The following SKAP2 variants were observed in gnomAD, a reference collection of about 807,000 sequenced individuals.
The protein encoded by SKAP2 is src kinase associated phosphoprotein 2.
SKAP2 carries 28 observed loss-of-function variants against 54.9 expected under a neutral mutation model. The ratio of observed to expected loss-of-function variants is 0.51; its 90% CI spans 0.38 to 0.70. The LOEUF is 0.70. SKAP2 is among the 30% of genes least tolerant of loss of function. The pLI, the probability that SKAP2 is intolerant of heterozygous loss-of-function variation, is 0.00. For missense variants in SKAP2, 356 were observed against 424.1 expected (o/e 0.84, Z 1.41); for synonymous variants, 137 against 134.3 (o/e 1.02, Z -0.14).
At chr7:26,719,798 A>G (rs1332885015) in intron 9 of SKAP2, among the ~76,000 whole-genome samples, 1 of 152,210 alleles carries the variant, frequency 6.6e-6, no homozygotes, top group Non-Finnish European at 1.5e-5. Flanking sequence ...TCCTAGTTTC[A>G]TGTATGTAAG....
At chr7:26,733,744 C>A (rs576484568) in intron 6 of SKAP2, among the ~76,000 whole-genome samples, 4 of 152,072 alleles carry the variant, frequency 2.6e-5, no homozygotes, top group African/African-American at 9.7e-5. Flanking sequence ...CAATTTTCTA[C>A]GGACTTTTAT....
At chr7:26,722,983 T>C (rs1787611106) in intron 9 of SKAP2, among the ~76,000 whole-genome samples, 1 of 152,192 alleles carries the variant, frequency 6.6e-6, no homozygotes, top group Admixed American at 6.5e-5. Flanking sequence ...TCTGGGAATT[T>C]AGCCAGTCAG....
intron 4 of SKAP2, among the ~76,000 whole-genome samples, chr7:26,830,260 A>G (rs1784571180): frequency 6.6e-6 from 1 of 152,162 alleles, no homozygotes; most frequent in African/African-American, 2.4e-5. Context: ...TTAGGAGAAA[A>G]CTGAGAGTGA....
chr7:26,762,039 C>T (rs1464160519), intron 4 of SKAP2, among the ~76,000 whole-genome samples: 2 of 152,282 alleles, frequency 1.3e-5, no homozygotes, highest in South Asian at 4.2e-4. Context: ...TTACAGGCCA[C>T]AGTCACCAAT....
chr7:26,851,587 G>A (rs1360245643), intron 3 of SKAP2, among the ~76,000 whole-genome samples: 2 of 151,964 alleles, frequency 1.3e-5, no homozygotes, highest in Non-Finnish European at 2.9e-5. Context: ...GGGTGGGGAG[G>A]GATAGCATTA....
intron 10 of SKAP2, among the ~76,000 whole-genome samples, chr7:26,685,746 C>T (rs189844887): frequency 1.4e-4 from 22 of 152,238 alleles, no homozygotes; most frequent in Admixed American, 7.9e-4. Flanking sequence ...TCCTGAAACA[C>T]GGAACACAGC....
At chr7:26,669,909 T>C (rs1395891433) in intron 12 of SKAP2, among the ~76,000 whole-genome samples, 182 bp downstream of exon 12, 1 of 152,184 alleles carries the variant, frequency 6.6e-6, no homozygotes, top group Non-Finnish European at 1.5e-5. Flanking sequence ...TCCATAAAGT[T>C]TTTATTTTAA....
chr7:26,813,533 G>C (rs1784201382), intron 4 of SKAP2, among the ~76,000 whole-genome samples: 1 of 152,224 alleles, frequency 6.6e-6, no homozygotes, highest in Non-Finnish European at 1.5e-5. Context: ...TATGGGTTGT[G>C]CAAATGTGCA....
At chr7:26,699,996 G>A (rs1194898983) in intron 9 of SKAP2, among the ~76,000 whole-genome samples, 1 of 151,928 alleles carries the variant, frequency 6.6e-6, no homozygotes, top group Non-Finnish European at 1.5e-5. Context: ...TCTTGTACTT[G>A]TGCAACTAGA....
intron 4 of SKAP2, among the ~76,000 whole-genome samples, chr7:26,826,224 G>A (rs1784492458): frequency 6.6e-6 from 1 of 152,112 alleles, no homozygotes; most frequent in South Asian, 2.1e-4. Flanking sequence ...CTATTTCAAT[G>A]GGGTTGCTAA....
At chr7:26,659,011 T>C in the SKAP2 span, among the ~76,000 whole-genome samples, 3 of 152,198 alleles carry the variant, frequency 2.0e-5, no homozygotes, top group African/African-American at 7.2e-5. Flanking sequence ...CTAATGTTAA[T>C]GTACCAGTTA....
rs1187569527 is a variant in SKAP2, at chr7:26,668,427, G to A, written c.*1239C>T. The stretch of plus-strand genomic sequence containing the variant: ...ACAAATCTTGCTCAGGCAGCACAGA[G>A]TATAACTCAAATGTCAGGCTAACAC... On this transcript the variant is annotated 3_prime_UTR_variant, in exon 13 of 13. Coordinates refer to ENST00000345317, the MANE Select transcript of SKAP2 (RefSeq NM_003930.5). 1.3e-5 allele frequency: 2 copies of A among 152,140 alleles called. No individual in the cohort carries two copies. The highest frequency in any genetic ancestry group is 2.9e-5 in the Non-Finnish European group (2 of 68,020). The allele number at this position is 152,140 out of a possible 1,614,324, so 9.4% of individuals were successfully genotyped here.
chr7:26,716,600 T>C (rs1025975830), intron 9 of SKAP2, among the ~76,000 whole-genome samples: 1 of 152,258 alleles, frequency 6.6e-6, no homozygotes, highest in Middle Eastern at 3.2e-3. Flanking sequence ...CTTACTTTTA[T>C]ATTATGGCTT....
intron 10 of SKAP2, among the ~76,000 whole-genome samples, chr7:26,689,811 C>T (rs1380053301): frequency 1.3e-5 from 2 of 152,190 alleles, no homozygotes; most frequent in African/African-American, 2.4e-5. Context: ...TCAGAGATGT[C>T]TACATTGCCA....
At chr7:26,779,241 A>C (rs1778833548) in intron 4 of SKAP2, among the ~76,000 whole-genome samples, 1 of 152,056 alleles carries the variant, frequency 6.6e-6, no homozygotes, top group South Asian at 2.1e-4. Flanking sequence ...TTTATAAAAT[A>C]AAAGAATGAT....
intron 4 of SKAP2, among the ~76,000 whole-genome samples, chr7:26,830,846 A>G (rs1784580868): frequency 6.6e-6 from 1 of 152,176 alleles, no homozygotes; most frequent in African/African-American, 2.4e-5. Flanking sequence ...TAAAAATAAT[A>G]TACAGTTTTG....
intron 4 of SKAP2, among the ~76,000 whole-genome samples, chr7:26,758,108 T>C (rs1421291820): frequency 6.6e-6 from 1 of 152,212 alleles, no homozygotes; most frequent in East Asian, 1.9e-4. Context: ...TCCATGTTTT[T>C]TCTAGCACAT....
intron 7 of SKAP2, chr7:26,726,615 A>G: frequency 3.6e-6 from 1 of 279,430 alleles, no homozygotes; most frequent in Non-Finnish European, 6.7e-6. Flanking sequence ...GTGATCACCT[A>G]TGTTCTATGC....
At chr7:26,809,072 T>A (rs1040240237) in intron 4 of SKAP2, among the ~76,000 whole-genome samples, 3 of 152,106 alleles carry the variant, frequency 2.0e-5, no homozygotes, top group African/African-American at 4.8e-5. Context: ...AGATCCAAAA[T>A]ACATAAGGAA....
Sources: allele counts gnomAD v4.1 joint callset (sites outside exome capture counted in the v4.1 genomes callset), GRCh38; gene constraint gnomAD v4.1.1; transcripts MANE v1.5; gene names NCBI Gene and HGNC (gene_info 2026-07-23, HGNC 2026-07-21).